The following CAPN13 variants were observed in gnomAD, a reference collection of about 807,000 sequenced individuals.
CAPN13 encodes the protein calpain 13.
Under a neutral mutation model 98.4 loss-of-function variants are expected in CAPN13, and 90 were observed. That is an observed-to-expected ratio of 0.92 (90% CI 0.77 to 1.09). The LOEUF is 1.09. Among genes scored for constraint, CAPN13 ranks in the 50% least tolerant of loss-of-function variants. The pLI, the probability that CAPN13 is intolerant of heterozygous loss-of-function variation, is 0.00. For synonymous variants in CAPN13, 330 were observed against 305.5 expected (o/e 1.08, Z -0.84); for missense variants, 887 against 841.3 (o/e 1.05, Z -0.67).
chr2:30,746,163 C>T (rs1671900859), intron 11 of CAPN13, among the ~76,000 whole-genome samples: 1 of 152,122 alleles, frequency 6.6e-6, no homozygotes, highest in Non-Finnish European at 1.5e-5. Flanking sequence ...TTCCAAAATC[C>T]TGGGGTTATA....
chr2:30,773,387 T>C (rs1673513144), intron 4 of CAPN13, among the ~76,000 whole-genome samples: 1 of 152,134 alleles, frequency 6.6e-6, no homozygotes, highest in Non-Finnish European at 1.5e-5. Flanking sequence ...AAGGTTTAAT[T>C]AGAACAAAAA....
chr2:30,758,806 CCCTTCCCTT>C (rs1672617226), intron 7 of CAPN13, among the ~76,000 whole-genome samples: 1 of 96,384 alleles, frequency 1.0e-5, no homozygotes, highest in Non-Finnish European at 2.1e-5. Flanking sequence ...CTTCCTCCCT[CCCTTCCCTT>C]CCTCCCTTCC....
At chr2:30,801,603 T>TTA (rs1196991381) in intron 1 of CAPN13, among the ~76,000 whole-genome samples, 1 of 118,156 alleles carries the variant, frequency 8.5e-6, no homozygotes. Context: ...AGACTCAGTC[T>TTA]TAAAAAAAAA....
chr2:30,752,994 G>C (rs2147993315), intron 10 of CAPN13, 59 bp downstream of exon 10: 8 of 1,589,518 alleles, frequency 5.0e-6, no homozygotes, highest in Middle Eastern at 1.9e-4. Flanking sequence ...GCCATGCAAG[G>C]GCTGGGCTGG....
chr2:30,770,121 G>A (rs1276289924), intron 5 of CAPN13, among the ~76,000 whole-genome samples, 192 bp downstream of exon 5: 1 of 152,178 alleles, frequency 6.6e-6, no homozygotes, highest in Non-Finnish European at 1.5e-5. Context: ...CCCCTACCCT[G>A]CCCACTCTTC....
At chr2:30,791,001 T>C (rs1050061693) in intron 1 of CAPN13, among the ~76,000 whole-genome samples, 1 of 152,042 alleles carries the variant, frequency 6.6e-6, no homozygotes, top group Admixed American at 6.5e-5. Flanking sequence ...CTAGGTACAA[T>C]CATGTTGGGG....
chr2:30,738,494 A>G, intron 15 of CAPN13, 37 bp from the exon 16 acceptor site: 2 of 1,574,786 alleles, frequency 1.3e-6, no homozygotes, highest in Non-Finnish European at 1.7e-6. Context: ...GAATTATATC[A>G]GTGCCAGGAT....
At chr2:30,770,472 C>T (rs183487530) in intron 4 of CAPN13, 23 bp from the exon 5 acceptor site, 63 of 1,610,966 alleles carry the variant, frequency 3.9e-5, no homozygotes, top group Middle Eastern at 3.3e-4. Context: ...CAAGCATATG[C>T]TTTGACAGAG....
intron 2 of CAPN13, among the ~76,000 whole-genome samples, chr2:30,785,196 G>T (rs770638648): frequency 6.6e-6 from 1 of 152,144 alleles, no homozygotes; most frequent in African/African-American, 2.4e-5. Flanking sequence ...TTAAGTCAGT[G>T]GGGGGAAAGT....
At chr2:30,765,582 G>T (rs1178791875) in intron 5 of CAPN13, among the ~76,000 whole-genome samples, 1 of 152,158 alleles carries the variant, frequency 6.6e-6, no homozygotes, top group Non-Finnish European at 1.5e-5. Context: ...CCCTGCCCTT[G>T]GCCTTTCATC....
chr2:30,786,288 T>A (rs189905799), intron 2 of CAPN13, among the ~76,000 whole-genome samples: 1 of 152,236 alleles, frequency 6.6e-6, no homozygotes, highest in Non-Finnish European at 1.5e-5. Context: ...TATTATTTTA[T>A]CTCATTCTAG....
At chr2:30,793,761 A>G (rs1277596361) in intron 1 of CAPN13, among the ~76,000 whole-genome samples, 2 of 151,930 alleles carry the variant, frequency 1.3e-5, no homozygotes, top group Non-Finnish European at 2.9e-5. Context: ...TAGAGAATCT[A>G]GAATAAATCA....
chr2:30,757,497 G>A (rs1010327326), intron 8 of CAPN13, among the ~76,000 whole-genome samples: 33 of 152,226 alleles, frequency 2.2e-4, no homozygotes, highest in Admixed American at 1.7e-3. Flanking sequence ...ATCCAGAGCA[G>A]TAGGGCAAGA....
chr2:30,773,973 C>T (rs1673541218), intron 4 of CAPN13, among the ~76,000 whole-genome samples: 1 of 151,974 alleles, frequency 6.6e-6, no homozygotes, highest in Non-Finnish European at 1.5e-5. Flanking sequence ...TTAATCTCCC[C>T]AAATGCAGAG....
At chr2:30,791,668 A>G (rs933443531) in intron 1 of CAPN13, among the ~76,000 whole-genome samples, 14 of 152,254 alleles carry the variant, frequency 9.2e-5, no homozygotes, top group Admixed American at 9.2e-4. Context: ...AAGATGCATA[A>G]GAGTTAAGTG....
At chr2:30,742,428 G>C in intron 13 of CAPN13, 69 bp from the exon 14 acceptor site, 14 of 1,537,274 alleles carry the variant, frequency 9.1e-6, no homozygotes, top group Non-Finnish European at 1.2e-5. Context: ...GCATATAGAG[G>C]GCACCCAGGT....
intron 5 of CAPN13, among the ~76,000 whole-genome samples, chr2:30,765,664 C>T (rs1471888192): frequency 6.6e-6 from 1 of 152,214 alleles, no homozygotes; most frequent in African/African-American, 2.4e-5. Flanking sequence ...GACATTCTCT[C>T]TTCCTGGGGA....
chr2:30,775,405 A>C lies in CAPN13; in HGVS notation c.387+525T>G, dbSNP rs74261477. Among the ~76,000 whole-genome samples the C allele has an allele frequency of 1.6e-3, 237 of 152,340 alleles. 5 individuals are homozygous for C. In the East Asian group the frequency reaches 0.034, roughly 22 times the overall value. ...CTGGAAAGGAAAACTTAAAACAATAAAAATGTAATTTTTCTAAATTAATAC... is the reference window on the plus strand; with the variant it reads ...CTGGAAAGGAAAACTTAAAACAATACAAATGTAATTTTTCTAAATTAATAC... On this transcript the variant is annotated intron_variant, in intron 4 of 22. Coordinates refer to ENST00000295055, the MANE Select transcript of CAPN13 (RefSeq NM_144575.3).
At chr2:30,756,234 ACT>A (rs976889239) in intron 8 of CAPN13, among the ~76,000 whole-genome samples, 1 of 151,760 alleles carries the variant, frequency 6.6e-6, no homozygotes, top group African/African-American at 2.4e-5. Flanking sequence ...AGCTCCCAGC[ACT>A]CTCTCTCCCA....
Sources: allele counts gnomAD v4.1 joint callset (sites outside exome capture counted in the v4.1 genomes callset), GRCh38; gene constraint gnomAD v4.1.1; transcripts MANE v1.5; gene names NCBI Gene and HGNC (gene_info 2026-07-23, HGNC 2026-07-21).